The following DUSP3 variants were observed in gnomAD, a reference collection of about 807,000 sequenced individuals.
DUSP3 encodes dual specificity phosphatase 3, also known as dual specificity protein phosphatase 3.
Under a neutral mutation model 15.5 loss-of-function variants are expected in DUSP3, and 7 were observed. That is an observed-to-expected ratio of 0.45 (90% CI 0.26 to 0.85). The LOEUF (loss-of-function observed/expected upper bound fraction) is 0.85. Among genes scored for constraint, DUSP3 ranks in the 40% least tolerant of loss-of-function variants. DUSP3 has a pLI of 0.18. For missense variants in DUSP3, 209 were observed against 251.7 expected, an observed-to-expected ratio of 0.83 and a Z score of 1.15; for synonymous variants, 86 against 104.2, an observed-to-expected ratio of 0.83 and a Z score of 1.07.
chr17:43,774,558 C>A (rs894980791), intron 2 of DUSP3, among the ~76,000 whole-genome samples, 154 bp downstream of exon 2: 4 of 152,136 alleles, frequency 2.6e-5, no homozygotes, highest in Admixed American at 2.0e-4. Context: ...GACAGCCAGC[C>A]AGGTGAGCAG....
At position 43,775,382 on chromosome 17, in the gene DUSP3, C is replaced by G. The variant is rs574151057; in HGVS notation, c.126-444G>C. Reference sequence around the variant, plus strand: ...TACTAGCCAGGCAACCTTAAGCAAGCCATTTAACCTTTCTGTGCCTCAGTT... The same window carrying G: ...TACTAGCCAGGCAACCTTAAGCAAGGCATTTAACCTTTCTGTGCCTCAGTT... On this transcript the variant is annotated intron_variant, in intron 1 of 2. Coordinates refer to ENST00000226004, the MANE Select transcript of DUSP3 (RefSeq NM_004090.4). Among the ~76,000 whole-genome samples, 158 of 152,310 alleles carry G rather than the reference C, an allele frequency of 1.0e-3. 1 individual carries two copies. Among genetic ancestry groups the G allele is most frequent in the African/African-American group, 3.6e-3 (150 of 41,556 alleles).
chr17:43,774,698 G>T lies in DUSP3; in HGVS notation c.352+14C>A. On this transcript the variant is annotated intron_variant, in intron 2 of 2. Coordinates refer to ENST00000226004, the MANE Select transcript of DUSP3 (RefSeq NM_004090.4). ...GAGCTGCCTCCCATCTTTTCCTGGT[G>T]GGAGGTCCCTTACCATTCTTTTGAG... is the stretch of plus-strand genomic sequence containing the variant. 4 of 1,613,960 alleles carry T rather than the reference G, an allele frequency of 2.5e-6. No homozygotes were observed. Among genetic ancestry groups the T allele is most frequent in the Non-Finnish European group, 3.4e-6 (4 of 1,179,858 alleles).
intron 2 of DUSP3, 143 bp downstream of exon 2, chr17:43,774,569 A>G: frequency 1.1e-6 from 1 of 903,404 alleles, no homozygotes; most frequent in South Asian, 1.5e-5. Context: ...AGGTGAGCAG[A>G]GAGAGACCTA....
Position 43,769,488 on chromosome 17 carries a change from T to C in DUSP3, c.*121A>G. 1 of 1,191,826 alleles carries C rather than the reference T, an allele frequency of 8.4e-7. No individual in the cohort carries two copies. Among genetic ancestry groups the C allele is most frequent in the Non-Finnish European group, 1.2e-6 (1 of 845,808 alleles). 73.8% of individuals were successfully genotyped at this position (1,191,826 alleles called of 1,614,324 possible). A position where few individuals can be genotyped will look rare whatever the true frequency, so the allele number is the denominator to read the frequency against. On this transcript the variant is annotated 3_prime_UTR_variant, in exon 3 of 3. Coordinates refer to ENST00000226004, the MANE Select transcript of DUSP3 (RefSeq NM_004090.4). ...CCAGGACTGTGTTGGGACACACTTG[T>C]AGACAAGTGCCTTGTGATGCTGGGA...
intron 1 of DUSP3, chr17:43,777,480 C>A: frequency 2.2e-6 from 1 of 455,836 alleles, no homozygotes; most frequent in Middle Eastern, 3.3e-4. Context: ...CCGTGGCAGT[C>A]CTTGGCAGGC....
intron 1 of DUSP3, among the ~76,000 whole-genome samples, chr17:43,776,101 AGAGT>A (rs1447448162): frequency 6.6e-6 from 1 of 152,256 alleles, no homozygotes; most frequent in African/African-American, 2.4e-5. Flanking sequence ...CCTGGGTGAC[AGAGT>A]GAGACTCCGT....
chr17:43,772,629 A>G (rs570191696), intron 2 of DUSP3, among the ~76,000 whole-genome samples: 1 of 152,326 alleles, frequency 6.6e-6, no homozygotes, highest in East Asian at 1.9e-4. Context: ...ACTCATTCTT[A>G]GAAGCATTTA....
chr17:43,774,641 T>G (rs1028377700), intron 2 of DUSP3, 71 bp downstream of exon 2: 10 of 1,519,648 alleles, frequency 6.6e-6, no homozygotes, highest in Non-Finnish European at 9.1e-6. Context: ...AGACCTGTTG[T>G]GGGCCTGTTT....
At chr17:43,772,961 G>GAATGAATA (rs1185802282) in intron 2 of DUSP3, among the ~76,000 whole-genome samples, 1 of 152,182 alleles carries the variant, frequency 6.6e-6, no homozygotes, top group Non-Finnish European at 1.5e-5. Flanking sequence ...GAAATTCCCT[G>GAATGAATA]AATGAATAAC....
intron 2 of DUSP3, 64 bp from the exon 3 acceptor site, chr17:43,769,878 G>C (rs1237064164): frequency 6.4e-7 from 1 of 1,560,236 alleles, no homozygotes; most frequent in Admixed American, 1.8e-5. Flanking sequence ...CGTTGGTCAA[G>C]ACTCTTCCGT....
Position 43,769,788 on chromosome 17 carries a change from C to A in DUSP3, c.379G>T (p.Gly127Cys). 1 of 1,614,100 alleles carries A rather than the reference C, an allele frequency of 6.2e-7. No individual in the cohort carries two copies. Among genetic ancestry groups the A allele is most frequent in the Non-Finnish European group, 8.5e-7 (1 of 1,180,022 alleles). The change falls in exon 3 of 3, where the codon GGT becomes TGT. Residue 127 changes from glycine (G) to cysteine (C), a missense_variant. By Grantham distance (159) the Gly-to-Cys change is radical. Coordinates refer to ENST00000226004, the MANE Select transcript of DUSP3 (RefSeq NM_004090.4). ...NGRVLVHCRE[G>C]YSRSPTLVIA... Reference sequence around the variant, plus strand: ...ACTAGCGTTGGGGAGCGGCTATAACCTTCCCGGCAGTGGACGAGCACCCGG... The same window carrying A: ...ACTAGCGTTGGGGAGCGGCTATAACATTCCCGGCAGTGGACGAGCACCCGG...
Position 43,766,594 on chromosome 17 carries a change from G to C in DUSP3, c.*3015C>G, listed in dbSNP as rs1454518847. ...AAACCATCCATCACCATGGGTGGAAGGCAGCGCCACCTGCTGCCCATCATA... is the reference window on the plus strand; with the variant it reads ...AAACCATCCATCACCATGGGTGGAACGCAGCGCCACCTGCTGCCCATCATA... On this transcript the variant is annotated 3_prime_UTR_variant, in exon 3 of 3. Transcript: ENST00000226004. 6.6e-6 allele frequency: 1 copy of C among 152,348 alleles called. No homozygotes were observed. The highest frequency in any genetic ancestry group is 2.4e-5 in the African/African-American group (1 of 41,320). The allele number at this position is 152,348 out of a possible 1,614,324, so 9.4% of individuals were successfully genotyped here. A position where few individuals can be genotyped will look rare whatever the true frequency, so the allele number is the denominator to read the frequency against.
chr17:43,775,788 T>C (rs1490262410), intron 1 of DUSP3, among the ~76,000 whole-genome samples: 3 of 152,140 alleles, frequency 2.0e-5, no homozygotes, highest in South Asian at 2.1e-4. Flanking sequence ...GGGGAGTAAG[T>C]GGCCCCAACA....
Position 43,774,848 on chromosome 17 carries a change from G to A in DUSP3, c.216C>T (p.Asn72=). 2 of 1,614,186 alleles carry A rather than the reference G, an allele frequency of 1.2e-6. No homozygotes were observed. Among genetic ancestry groups the A allele is most frequent in the Non-Finnish European group, 8.5e-7 (1 of 1,180,030 alleles). ...AAEGRSFMHV[N]TNANFYKDSG... is the part of the protein sequence containing the mutation. ...AGTCCTTGTAGAAGTTGGCATTGGT[G>A]TTGACGTGCATGAAGGACCTGCCCT... is the stretch of plus-strand genomic sequence containing the variant. The change falls in exon 2 of 3, where the codon AAC becomes AAT. Residue 72 remains asparagine (N), a synonymous_variant. Transcript: ENST00000226004.
intron 2 of DUSP3, 107 bp from the exon 3 acceptor site, chr17:43,769,921 C>T: frequency 8.3e-7 from 1 of 1,208,864 alleles, no homozygotes; most frequent in Non-Finnish European, 1.2e-6. Flanking sequence ...TGTCACGCCA[C>T]TGTGTGCCTG....
In DUSP3 at chr17:43,774,785, T is replaced by C. The variant is rs747583349; in HGVS notation, c.279A>G (p.Thr93=). The C allele has an allele frequency of 1.9e-6, 3 of 1,614,152 alleles. No homozygotes were observed. The highest frequency in any genetic ancestry group is 2.5e-6 in the Non-Finnish European group (3 of 1,180,014). Residue 93 remains threonine, a synonymous_variant, in exon 2 of 3, where the codon ACA becomes ACG. Transcript: ENST00000226004. ...AGTAAGCGCTGAGGTTGAACTCCTG[T>C]GTGTCGTTGGCCTTGATGCCCAGGT... ...ITYLGIKAND[T]QEFNLSAYFE...
At chr17:43,775,447 G>C (rs1974375333) in intron 1 of DUSP3, among the ~76,000 whole-genome samples, 1 of 152,156 alleles carries the variant, frequency 6.6e-6, no homozygotes, top group Non-Finnish European at 1.5e-5. Context: ...CCTTCTCCTT[G>C]AGGTTGTTAT....
chr17:43,770,819 C>T (rs564872660), intron 2 of DUSP3, among the ~76,000 whole-genome samples: 74 of 151,352 alleles, frequency 4.9e-4, no homozygotes, highest in African/African-American at 1.4e-3. Context: ...AGTGCAGTGG[C>T]GCGATCTCGG....
chr17:43,772,052 T>G (rs1275575976), intron 2 of DUSP3, among the ~76,000 whole-genome samples: 4 of 151,370 alleles, frequency 2.6e-5, no homozygotes, highest in African/African-American at 9.7e-5. Flanking sequence ...GGGGCATTGA[T>G]TTTTGGATGC....
Sources: allele counts gnomAD v4.1 joint callset (sites outside exome capture counted in the v4.1 genomes callset), GRCh38; gene constraint gnomAD v4.1.1; transcripts MANE v1.5; gene names NCBI Gene and HGNC (gene_info 2026-07-23, HGNC 2026-07-21).